Variants in ZNF786 observed in about 807,000 individuals in gnomAD.
The protein encoded by ZNF786 is zinc finger protein 786.
Under a neutral mutation model 63.1 loss-of-function variants are expected in ZNF786, and 56 were observed. The ratio of observed to expected loss-of-function variants is 0.89; its 90% CI spans 0.72 to 1.11. The LOEUF is 1.11. Ranked by LOEUF, ZNF786 falls within the 50% of genes least tolerant of loss-of-function variation. The probability of loss-of-function intolerance (pLI) is 0.00; values close to 1 mark genes in which losing one functional copy is unlikely to be tolerated. For synonymous variants in ZNF786, 485 were observed against 406.9 expected (o/e 1.19, Z -2.31); for missense variants, 1,213 against 1,041.8 (o/e 1.16, Z -2.26).
chr7:149,071,927 G>A lies in ZNF786; in HGVS notation c.845C>T (p.Thr282Ile). The change falls in exon 4 of 4, where the codon ACC becomes ATC. Residue 282 changes from threonine (T) to isoleucine (I), a missense_variant. Coordinates refer to ENST00000491431, the MANE Select transcript of ZNF786 (RefSeq NM_152411.4). ...CTGCGGGAGGCGGTGGCTGGGATGGGTCAGCTCGTGTCGGAAGCACATTTC... is the reference window on the plus strand; with the variant it reads ...CTGCGGGAGGCGGTGGCTGGGATGGATCAGCTCGTGTCGGAAGCACATTTC... The part of the protein sequence containing the change: ...DGEMCFRHEL[T>I]HPSHRLPQQG... 1.9e-6 allele frequency: 3 copies of A among 1,609,240 alleles called. No homozygotes were observed. The highest frequency in any genetic ancestry group is 2.5e-6 in the Non-Finnish European group (3 of 1,178,956).
chr7:149,073,724 C>CGTGTGTGT (rs375323153), intron 3 of ZNF786, among the ~76,000 whole-genome samples: 1,499 of 67,336 alleles, frequency 0.022, 66 homozygotes, highest in South Asian at 0.047. Context: ...TATATGTGTG[C>CGTGTGTGT]GTGTGTGTGT....
intron 1 of ZNF786, among the ~76,000 whole-genome samples, chr7:149,089,476 C>CA (rs1371817559): frequency 6.6e-6 from 1 of 151,070 alleles, no homozygotes; most frequent in African/African-American, 2.4e-5. Context: ...CCACCACACT[C>CA]AGCTAATTTT....
At position 149,071,660 on chromosome 7, in the gene ZNF786, CAGG is replaced by C. The variant is rs746544111; in HGVS notation, c.1109_1111del (p.Ser370del). The C allele has an allele frequency of 6.4e-7, 1 of 1,568,652 alleles. No individual in the cohort carries two copies. Among genetic ancestry groups the C allele is most frequent in the African/African-American group, 1.3e-5 (1 of 74,252 alleles). ...AGGGGAGCGCTCGCCACACTCCGAG[CAGG>C]AGCAGGGCCCCTCTGCGCCATGCTG... On this transcript the variant is annotated inframe_deletion, in exon 4 of 4. Coordinates refer to ENST00000491431, the MANE Select transcript of ZNF786 (RefSeq NM_152411.4).
At position 149,071,555 on chromosome 7, in the gene ZNF786, A is replaced by C. The variant is rs1377016777; in HGVS notation, c.1217T>G (p.Phe406Cys). 6.2e-7 allele frequency: 1 copy of C among 1,612,572 alleles called. No homozygotes were observed. Among genetic ancestry groups the C allele is most frequent in the African/African-American group, 1.3e-5 (1 of 74,930 alleles). ...PFQCAHCTKR[F>C]RLRRLLQVHQ... ...GACCTGCAGCAGGCGGCGCAGGCGG[A>C]AGCGCTTGGTGCAATGCGCACACTG... Residue 406 changes from phenylalanine to cysteine, a missense_variant, in exon 4 of 4, where the codon TTC (phenylalanine) becomes TGC (cysteine). Coordinates refer to ENST00000491431, the MANE Select transcript of ZNF786 (RefSeq NM_152411.4).
In ZNF786 at chr7:149,071,171, T is replaced by C; in HGVS notation, c.1601A>G (p.Glu534Gly). ...GCACTTCAGGCACTGGAAGGGCCTC[T>C]CCCCGCTGTGCACTCTCAGGTGCTC... ...LREHLRVHSGERPFQCLKCDK... is the reference protein window; with the variant it reads ...LREHLRVHSGGRPFQCLKCDK... The change falls in exon 4 of 4, where the codon GAG becomes GGG. Residue 534 changes from glutamate (E) to glycine (G), a missense_variant. Transcript: ENST00000491431. 6.2e-7 allele frequency: 1 copy of C among 1,612,382 alleles called. No homozygotes were observed. Among genetic ancestry groups the C allele is most frequent in the South Asian group, 1.1e-5 (1 of 91,054 alleles).
At chr7:149,085,002 T>C (rs1048612777) in intron 1 of ZNF786, among the ~76,000 whole-genome samples, 10 of 152,150 alleles carry the variant, frequency 6.6e-5, no homozygotes, top group African/African-American at 2.2e-4. Context: ...TGTCGGTCTT[T>C]TGCATATGGC....
chr7:149,079,503 T>C (rs1825617047), intron 2 of ZNF786, among the ~76,000 whole-genome samples: 1 of 149,292 alleles, frequency 6.7e-6, no homozygotes, highest in African/African-American at 2.5e-5. Flanking sequence ...ATAAATGAAA[T>C]ATAAAAACCA....
In ZNF786 at chr7:149,072,437, C is replaced by A; in HGVS notation, c.335G>T (p.Ser112Ile). The A allele has an allele frequency of 6.2e-7, 1 of 1,601,582 alleles. No homozygotes were observed. The highest frequency in any genetic ancestry group is 8.5e-7 in the Non-Finnish European group (1 of 1,175,426). The change falls in exon 4 of 4, where the codon AGC (serine) becomes ATC (isoleucine). Residue 112 changes from serine (S) to isoleucine (I), a missense_variant. Coordinates refer to ENST00000491431, the MANE Select transcript of ZNF786 (RefSeq NM_152411.4). ...GCTTTCAGGATCTAATTGGAAATGGCTTTTAGTTTTTCCTGAATTCATAGC... is the reference window on the plus strand; with the variant it reads ...GCTTTCAGGATCTAATTGGAAATGGATTTTAGTTTTTCCTGAATTCATAGC... ...QQAMNSGKTKSHFQLDPESQC... is the reference protein window; with the variant it reads ...QQAMNSGKTKIHFQLDPESQC...
chr7:149,071,275 G>A lies in ZNF786; in HGVS notation c.1497C>T (p.His499=), dbSNP rs1825408612. Residue 499 remains histidine (H), a synonymous_variant, in exon 4 of 4, where the codon CAC becomes CAT. Transcript: ENST00000491431. ...GCCTCTCCCCACCGTGCCGGAGCCG[G>A]TGGGCTCTCAGCATGCTCTCCAGGC... ...SFRLESMLRA[H]RLRHGGERPF... The A allele has an allele frequency of 1.2e-6, 2 of 1,612,812 alleles. No homozygotes were observed. Among genetic ancestry groups the A allele is most frequent in the East Asian group, 2.2e-5 (1 of 44,840 alleles).
chr7:149,088,949 TTGAG>T (rs1825782903), intron 1 of ZNF786, among the ~76,000 whole-genome samples: 1 of 136,212 alleles, frequency 7.3e-6, no homozygotes, highest in African/African-American at 2.7e-5. Flanking sequence ...TCTGGCCCTG[TTGAG>T]TTTCTTTTTT....
chr7:149,074,321 CAGAGA>C (rs1351924217), intron 3 of ZNF786, 60 bp downstream of exon 3: 108 of 1,578,676 alleles, frequency 6.8e-5, no homozygotes, highest in Non-Finnish European at 9.1e-5. Context: ...ATGACAAGAT[CAGAGA>C]AGAGAAACAA....
chr7:149,089,995 G>T lies in ZNF786; in HGVS notation c.18+628C>A, dbSNP rs2129517033. ...CTCCCAAAGTGCTGGGATTACAGGC[G>T]TGAGCCACCGCGCCCGGCCTAATTC... is the stretch of plus-strand genomic sequence containing the variant. On this transcript the variant is annotated intron_variant, in intron 1 of 3. Coordinates refer to ENST00000491431, the MANE Select transcript of ZNF786 (RefSeq NM_152411.4). 2.6e-5 allele frequency among the ~76,000 whole-genome samples: 4 copies of T among 152,324 alleles called. No homozygotes were observed. The Middle Eastern group carries it at 0.014, about 518-fold the overall frequency.
At chr7:149,082,031 C>T (rs1353639732) in intron 1 of ZNF786, among the ~76,000 whole-genome samples, 1 of 152,158 alleles carries the variant, frequency 6.6e-6, no homozygotes, top group Non-Finnish European at 1.5e-5. Context: ...AATGCCTAGG[C>T]ATTCGCTTGA....
In ZNF786 at chr7:149,080,628, A is replaced by G. The variant is rs1455387164; in HGVS notation, c.108T>C (p.His36=). ...GAGTCTCATAATTGCTTCTCATCAC[A>G]TGCTTGTAAAGTTCCTTCTGCCATG... ...LEAWQKELYK[H]VMRSNYETLV... The change falls in exon 2 of 4, where the codon CAT becomes CAC. Residue 36 remains histidine, a synonymous_variant. Coordinates refer to ENST00000491431, the MANE Select transcript of ZNF786 (RefSeq NM_152411.4). 1.2e-6 allele frequency: 2 copies of G among 1,612,760 alleles called. No individual in the cohort carries two copies. Among genetic ancestry groups the G allele is most frequent in the Admixed American group, 3.4e-5 (2 of 59,498 alleles).
chr7:149,073,047 T>G (rs566656240), intron 3 of ZNF786, among the ~76,000 whole-genome samples: 2 of 152,300 alleles, frequency 1.3e-5, no homozygotes, highest in South Asian at 4.1e-4. Context: ...CCATCCTGTC[T>G]CTAAGACCTG....
intron 1 of ZNF786, among the ~76,000 whole-genome samples, chr7:149,084,345 G>C: frequency 8.5e-6 from 1 of 117,512 alleles, no homozygotes; most frequent in Admixed American, 1.0e-4. Flanking sequence ...GAGCAAAACT[G>C]CATCCCAAAA....
At chr7:149,075,114 C>A (rs1207030825) in intron 2 of ZNF786, among the ~76,000 whole-genome samples, 1 of 152,200 alleles carries the variant, frequency 6.6e-6, no homozygotes, top group Non-Finnish European at 1.5e-5. Context: ...CAGGCATAAA[C>A]CACTGCGCCC....
At position 149,070,055 on chromosome 7, in the gene ZNF786, T is replaced by G. The variant is rs1375843373; in HGVS notation, c.*368A>C. The G allele has an allele frequency of 5.8e-6, 1 of 172,684 alleles. No individual in the cohort carries two copies. Among genetic ancestry groups the G allele is most frequent in the Non-Finnish European group, 1.3e-5 (1 of 79,646 alleles). The allele number at this position is 172,684 out of a possible 1,614,324, so 10.7% of individuals were successfully genotyped here. A position where few individuals can be genotyped will look rare whatever the true frequency, so the allele number is the denominator to read the frequency against. ...CTGTGTGCACCTTTTCTTAAAAATGTTAACAATCACATATAACCTCGTAGA... is the reference window on the plus strand; with the variant it reads ...CTGTGTGCACCTTTTCTTAAAAATGGTAACAATCACATATAACCTCGTAGA... On this transcript the variant is annotated 3_prime_UTR_variant, in exon 4 of 4. Transcript: ENST00000491431.
intron 3 of ZNF786, among the ~76,000 whole-genome samples, chr7:149,073,769 ATATATATATATG>A (rs1452083802): frequency 0.012 from 1,403 of 112,664 alleles, 15 homozygotes; most frequent in Non-Finnish European, 0.013. Context: ...ATATATATAT[ATATATATATATG>A]TATATATATA....
Sources: allele counts gnomAD v4.1 joint callset (sites outside exome capture counted in the v4.1 genomes callset), GRCh38; gene constraint gnomAD v4.1.1; transcripts MANE v1.5; gene names NCBI Gene and HGNC (gene_info 2026-07-23, HGNC 2026-07-21).